Variants in CDC25A observed in about 807,000 individuals in gnomAD.
CDC25A encodes the protein M-phase inducer phosphatase 1.
A neutral mutation model predicts 64.6 loss-of-function variants in CDC25A; 17 were observed. The ratio of observed to expected loss-of-function variants is 0.26; its 90% CI spans 0.18 to 0.39. CDC25A has a LOEUF of 0.39. Ranked by LOEUF, CDC25A falls within the 10% of genes least tolerant of loss-of-function variation. The pLI is 1.00. For synonymous variants in CDC25A, 229 were observed against 238.6 expected (o/e 0.96, Z 0.37); for missense variants, 473 against 654.8 (o/e 0.72, Z 3.03).
intron 9 of CDC25A, among the ~76,000 whole-genome samples, chr3:48,173,125 G>A (rs867891191): frequency 2.6e-5 from 4 of 151,070 alleles, no homozygotes; most frequent in Non-Finnish European, 5.9e-5. Context: ...GGCTGAAGCA[G>A]GAGAATGGCA....
intron 5 of CDC25A, chr3:48,181,522 C>T (rs945997920): frequency 8.0e-6 from 10 of 1,247,840 alleles, no homozygotes; most frequent in Middle Eastern, 2.2e-4. Flanking sequence ...GTCTCGGGGT[C>T]GCGGTCGGCA....
At chr3:48,161,434 G>T (rs1166383410) in intron 13 of CDC25A, 3 of 154,874 alleles carry the variant, frequency 1.9e-5, no homozygotes, top group Non-Finnish European at 4.3e-5. Context: ...AGCATCTTTT[G>T]GGCTGGGCAT....
intron 2 of CDC25A, among the ~76,000 whole-genome samples, chr3:48,185,324 G>T (rs899725902): frequency 2.0e-5 from 3 of 151,538 alleles, no homozygotes; most frequent in Admixed American, 6.6e-5. Context: ...GCTGGAGTGG[G>T]AGGTTCGCTT....
rs1444437184 is a variant in CDC25A, at chr3:48,167,941, G to C, written c.934C>G (p.Leu312Val). 3.2e-6 allele frequency: 5 copies of C among 1,582,942 alleles called. No homozygotes were observed. The Admixed American group carries it at 5.0e-5, about 16-fold the overall frequency. Reference sequence around the variant, plus strand: ...GATGCCAGGGATAAAGACTGATGAAGAGTCTGTAACAAATCAAAGGTAGAG... The same window carrying C: ...GATGCCAGGGATAAAGACTGATGAACAGTCTGTAACAAATCAAAGGTAGAG... ...STNPEKAHETLHQSLSLASSP... is the reference protein window; with the variant it reads ...STNPEKAHETVHQSLSLASSP... The change falls in exon 10 of 15, where the codon CTT becomes GTT. Residue 312 changes from leucine to valine, a missense_variant. Physicochemically the swap from Leu to Val is conservative, Grantham distance 32 (BLOSUM62 1). Coordinates refer to ENST00000302506, the MANE Select transcript of CDC25A (RefSeq NM_001789.3).
At chr3:48,173,436 A>C (rs1423400185) in intron 9 of CDC25A, among the ~76,000 whole-genome samples, 1 of 152,248 alleles carries the variant, frequency 6.6e-6, no homozygotes, top group Non-Finnish European at 1.5e-5. Flanking sequence ...CAACTCATGA[A>C]GCTGGAGACA....
chr3:48,158,816 G>A lies in CDC25A; in HGVS notation c.*129C>T, dbSNP rs1049639131. On this transcript the variant is annotated 3_prime_UTR_variant, in exon 15 of 15. Coordinates refer to ENST00000302506, the MANE Select transcript of CDC25A (RefSeq NM_001789.3). ...TTGGGAGTGTGGGAGGTAGGTTTAA[G>A]GCATGGAAGTCCCAGGCCCCCTCTC... The A allele has an allele frequency of 1.0e-4, 116 of 1,162,224 alleles. No homozygotes were observed. The African/African-American group carries it at 1.7e-3, about 17-fold the overall frequency. 72.0% of individuals were successfully genotyped at this position (1,162,224 alleles called of 1,614,324 possible). A position where few individuals can be genotyped will look rare whatever the true frequency, so the allele number is the denominator to read the frequency against.
intron 13 of CDC25A, among the ~76,000 whole-genome samples, chr3:48,159,736 GT>G (rs1423324187): frequency 6.6e-6 from 1 of 152,128 alleles, no homozygotes; most frequent in Non-Finnish European, 1.5e-5. Flanking sequence ...TTTGTGGCAA[GT>G]TTTCACTATA....
At chr3:48,163,742 C>T (rs1163843077) in intron 13 of CDC25A, among the ~76,000 whole-genome samples, 1 of 152,200 alleles carries the variant, frequency 6.6e-6, no homozygotes, top group Non-Finnish European at 1.5e-5. Flanking sequence ...TCTGTCCTAC[C>T]TCTCTGCCTG....
chr3:48,183,333 T>C (rs1284840017), intron 4 of CDC25A, among the ~76,000 whole-genome samples: 1 of 152,218 alleles, frequency 6.6e-6, no homozygotes, highest in East Asian at 1.9e-4. Flanking sequence ...GAACCCTTCC[T>C]GGTTTAATAA....
intron 13 of CDC25A, among the ~76,000 whole-genome samples, chr3:48,159,822 T>A (rs890609423): frequency 5.3e-5 from 8 of 152,166 alleles, no homozygotes; most frequent in African/African-American, 1.7e-4. Flanking sequence ...TCCTTCTACA[T>A]AAGTGGGCTT....
intron 1 of CDC25A, among the ~76,000 whole-genome samples, chr3:48,187,498 A>C (rs1476561080): frequency 6.6e-6 from 1 of 152,228 alleles, no homozygotes; most frequent in African/African-American, 2.4e-5. Flanking sequence ...ATAGAGATAG[A>C]AGGAGAGTAC....
intron 9 of CDC25A, among the ~76,000 whole-genome samples, chr3:48,169,782 T>C (rs1255571092): frequency 6.6e-6 from 1 of 151,716 alleles, no homozygotes; most frequent in Non-Finnish European, 1.5e-5. Context: ...CCGAGGTGAG[T>C]GGATCACTTG....
Position 48,158,401 on chromosome 3 carries a change from GATA to G in CDC25A, c.*541_*543del, listed in dbSNP as rs1025598018. 5.3e-5 allele frequency: 8 copies of G among 151,504 alleles called. No homozygotes were observed. The highest frequency in any genetic ancestry group is 1.9e-4 in the African/African-American group (8 of 41,088). 9.4% of individuals were successfully genotyped at this position (151,504 alleles called of 1,614,324 possible). A position where few individuals can be genotyped will look rare whatever the true frequency, so the allele number is the denominator to read the frequency against. On this transcript the variant is annotated 3_prime_UTR_variant, in exon 15 of 15. Transcript: ENST00000302506. ...AATTAAAAGCCGAGGTAGTCCCTGG[GATA>G]ATAAAACCCTACCTAGAATGGCAGT... is the stretch of plus-strand genomic sequence containing the variant.
At chr3:48,174,094 G>C (rs1167654653) in intron 9 of CDC25A, among the ~76,000 whole-genome samples, 190 bp downstream of exon 9, 2 of 152,014 alleles carry the variant, frequency 1.3e-5, no homozygotes, top group African/African-American at 4.8e-5. Context: ...AGGAGTTCAG[G>C]ACCAGCGTGG....
intron 10 of CDC25A, among the ~76,000 whole-genome samples, chr3:48,167,609 G>C (rs2032076992): frequency 1.3e-5 from 2 of 152,168 alleles, no homozygotes; most frequent in South Asian, 4.1e-4. Context: ...CAAGGTGGTT[G>C]GTGGACAGCT....
intron 13 of CDC25A, among the ~76,000 whole-genome samples, chr3:48,159,898 TA>T (rs778022850): frequency 1.2e-4 from 18 of 152,156 alleles, no homozygotes; most frequent in Admixed American, 2.6e-4. Flanking sequence ...TTCTATCCTC[TA>T]CTTGGACTGA....
chr3:48,181,488 T>G (rs1575272146), intron 5 of CDC25A: 2 of 824,494 alleles, frequency 2.4e-6, no homozygotes. Flanking sequence ...CTGGCGTGGG[T>G]GGCTGAGTTC....
At chr3:48,167,792 C>G in intron 10 of CDC25A, 54 bp downstream of exon 10, 1 of 974,572 alleles carries the variant, frequency 1.0e-6, no homozygotes, top group South Asian at 1.3e-5. Context: ...GAGTGGGATT[C>G]TAAATACCCA....
chr3:48,163,239 T>C (rs938378882), intron 13 of CDC25A, among the ~76,000 whole-genome samples: 1 of 142,574 alleles, frequency 7.0e-6, no homozygotes, highest in Non-Finnish European at 1.5e-5. Context: ...GCCGAGATCA[T>C]GCCACTGCAT....
Sources: allele counts gnomAD v4.1 joint callset (sites outside exome capture counted in the v4.1 genomes callset), GRCh38; gene constraint gnomAD v4.1.1; transcripts MANE v1.5; gene names NCBI Gene and HGNC (gene_info 2026-07-23, HGNC 2026-07-21).